Variants in OC90 observed in about 807,000 individuals in gnomAD.
OC90 encodes the protein otoconin-90.
OC90 carries 46 observed loss-of-function variants against 47.3 expected under a neutral mutation model. The observed-to-expected ratio is 0.97, with a 90% CI of 0.77 to 1.24. OC90 has a LOEUF of 1.24. Ranked by LOEUF, OC90 falls within the 50% of genes most tolerant of loss-of-function variation. The probability of loss-of-function intolerance (pLI) is 0.00; values close to 1 mark genes in which losing one functional copy is unlikely to be tolerated. For missense variants in OC90, 688 were observed against 583.9 expected (o/e 1.18, Z -1.84); for synonymous variants, 271 against 219.5 (o/e 1.23, Z -2.07).
chr8:132,036,737 C>T (rs889226976), intron 9 of OC90, among the ~76,000 whole-genome samples: 2 of 152,234 alleles, frequency 1.3e-5, no homozygotes, highest in Admixed American at 1.3e-4. Flanking sequence ...AGTCTCTAAT[C>T]GCAGCTTTGC....
chr8:132,036,832 C>G (rs7465349), intron 9 of OC90, among the ~76,000 whole-genome samples: 111,728 of 152,198 alleles, frequency 0.73, 41,225 homozygotes, highest in East Asian at 0.77. Flanking sequence ...ATTCCATAGG[C>G]GTGTATAAGC....
chr8:132,043,090 A>G (rs925457512), intron 4 of OC90, among the ~76,000 whole-genome samples: 15 of 152,250 alleles, frequency 9.9e-5, no homozygotes, highest in Non-Finnish European at 1.8e-4. Context: ...CTATTAGTTC[A>G]CTGAATGGAT....
chr8:132,051,792 G>T (rs1823214630), intron 2 of OC90, among the ~76,000 whole-genome samples: 1 of 152,176 alleles, frequency 6.6e-6, no homozygotes, highest in South Asian at 2.1e-4. Context: ...AATAGGGAAT[G>T]GTGGGGACTG....
chr8:132,054,919 A>G, intron 2 of OC90, 62 bp downstream of exon 2: 1 of 1,203,436 alleles, frequency 8.3e-7, no homozygotes. Context: ...TTGAAGGGAC[A>G]GTATTCAAAT....
chr8:132,024,486 T>C lies in OC90; in HGVS notation c.1429A>G (p.Arg477Gly), dbSNP rs1822723923. 1 of 1,539,346 alleles carries C rather than the reference T, an allele frequency of 6.5e-7. No homozygotes were observed. Among genetic ancestry groups the C allele is most frequent in the South Asian group, 1.3e-5 (1 of 79,872 alleles). ...GPLGIGPLHG[R>G] is the part of the protein sequence containing the mutation. ...TAGCCATTTTCTCTGGGCATCTATC[T>C]TCCATGAAGAGGCCCGATCCCCAAG... The change falls in exon 14 of 14, where the codon AGA becomes GGA. Residue 477 changes from arginine to glycine, a missense_variant. Physicochemically the swap from Arg to Gly is moderately radical, Grantham distance 125. Coordinates refer to ENST00000254627, the MANE Select transcript of OC90 (RefSeq NM_001080399.3).
At chr8:132,032,291 C>T (rs537943033) in intron 11 of OC90, among the ~76,000 whole-genome samples, 1 of 152,302 alleles carries the variant, frequency 6.6e-6, no homozygotes, top group South Asian at 2.1e-4. Context: ...CTCTATAAGA[C>T]TCCTTATTAA....
Position 132,024,368 on chromosome 8 carries a change from T to A in OC90, c.*113A>T. The A allele has an allele frequency of 1.1e-6, 1 of 873,908 alleles. No homozygotes were observed. The highest frequency in any genetic ancestry group is 1.7e-5 in the African/African-American group (1 of 59,226). 54.1% of individuals were successfully genotyped at this position (873,908 alleles called of 1,614,324 possible). A position where few individuals can be genotyped will look rare whatever the true frequency, so the allele number is the denominator to read the frequency against. On this transcript the variant is annotated 3_prime_UTR_variant, in exon 14 of 14. Coordinates refer to ENST00000254627, the MANE Select transcript of OC90 (RefSeq NM_001080399.3). ...ACGGCCTCTGTTCCCTCCCCGCCTC[T>A]GAGTTAAAGGAAGGGAAGAAGGCTC...
intron 10 of OC90, among the ~76,000 whole-genome samples, chr8:132,034,520 A>G (rs1586708344): frequency 6.6e-6 from 1 of 152,116 alleles, no homozygotes; most frequent in South Asian, 2.1e-4. Context: ...CCTCTTGAGG[A>G]GGAACTTTCT....
intron 1 of OC90, among the ~76,000 whole-genome samples, chr8:132,057,469 A>T (rs1445775835): frequency 2.6e-5 from 4 of 152,220 alleles, no homozygotes; most frequent in Non-Finnish European, 5.9e-5. Flanking sequence ...CTATGCTCTA[A>T]TTTATTTTTG....
At chr8:132,053,011 A>AT (rs1013047734) in intron 2 of OC90, among the ~76,000 whole-genome samples, 41 of 152,054 alleles carry the variant, frequency 2.7e-4, no homozygotes, top group Non-Finnish European at 2.5e-4. Flanking sequence ...AAAAGCTTAG[A>AT]TTTTCTGGAC....
chr8:132,029,170 C>A lies in OC90; in HGVS notation c.1041G>T (p.Leu347Phe). ...CTTGCTCTAGGCAGCAGTGATGGGA[C>A]AAGCAGCACCTAAGACCAAGGAAAA... ...EPRDDLDRCC[L>F]SHHCCLEQVR... Residue 347 changes from leucine (L) to phenylalanine (F), a missense_variant, in exon 13 of 14, where the codon TTG becomes TTT. Leu to Phe is a conservative substitution (Grantham distance 22). Coordinates refer to ENST00000254627, the MANE Select transcript of OC90 (RefSeq NM_001080399.3). 2.5e-6 allele frequency: 4 copies of A among 1,613,452 alleles called. No homozygotes were observed. The highest frequency in any genetic ancestry group is 3.4e-6 in the Non-Finnish European group (4 of 1,179,432).
At position 132,045,801 on chromosome 8, in the gene OC90, G is replaced by C; in HGVS notation, c.112+17C>G. 6.8e-7 allele frequency: 1 copy of C among 1,468,604 alleles called. No individual in the cohort carries two copies. Among genetic ancestry groups the C allele is most frequent in the Non-Finnish European group, 9.3e-7 (1 of 1,071,356 alleles). 91.0% of individuals were successfully genotyped at this position (1,468,604 alleles called of 1,614,324 possible). ...ACTTTCTACTCTGCTCCTAAGAAAA[G>C]TTCTAAGAATCCTTACTGATATTGT... On this transcript the variant is annotated intron_variant, in intron 3 of 13. Coordinates refer to ENST00000254627, the MANE Select transcript of OC90 (RefSeq NM_001080399.3).
intron 13 of OC90, among the ~76,000 whole-genome samples, chr8:132,028,620 A>AGGAG: frequency 2.2e-5 from 1 of 44,502 alleles, no homozygotes; most frequent in Non-Finnish European, 5.2e-5. Context: ...GGAAGGAGGA[A>AGGAG]GGAAGGAAGG....
At chr8:132,036,568 G>T (rs957083767) in intron 9 of OC90, 9 of 638,864 alleles carry the variant, frequency 1.4e-5, no homozygotes, top group Middle Eastern at 2.7e-4. Context: ...GTTCACCAAG[G>T]TCTCAATTCA....
At chr8:132,041,777 A>AT in intron 4 of OC90, 78 bp from the exon 5 acceptor site, 1 of 806,092 alleles carries the variant, frequency 1.2e-6, no homozygotes, top group South Asian at 1.7e-5. Context: ...TGGACTTCCT[A>AT]TACCTCAGGC....
At chr8:132,058,086 A>C (rs967696730) in intron 1 of OC90, among the ~76,000 whole-genome samples, 12 of 152,212 alleles carry the variant, frequency 7.9e-5, no homozygotes, top group Non-Finnish European at 1.6e-4. Flanking sequence ...GTGGTGAAAC[A>C]CAGCAGGTGA....
At chr8:132,044,144 C>T (rs1262548829) in intron 4 of OC90, among the ~76,000 whole-genome samples, 1 of 152,212 alleles carries the variant, frequency 6.6e-6, no homozygotes, top group Non-Finnish European at 1.5e-5. Context: ...ACTCAACTCC[C>T]TTCGGTTGAG....
chr8:132,049,496 A>G (rs10216361), intron 2 of OC90, among the ~76,000 whole-genome samples: 7,497 of 152,270 alleles, frequency 0.049, 516 homozygotes, highest in African/African-American at 0.16. Flanking sequence ...AATGCATAAC[A>G]GTTATTGTTT....
At chr8:132,056,888 A>G (rs1823286320) in intron 1 of OC90, among the ~76,000 whole-genome samples, 1 of 152,188 alleles carries the variant, frequency 6.6e-6, no homozygotes, top group African/African-American at 2.4e-5. Context: ...ACACCATGAC[A>G]GGTTGCCAGC....
Sources: gnomAD v4.1 joint callset for allele counts (sites outside exome capture counted in the v4.1 genomes callset) on GRCh38, gnomAD v4.1.1 for gene constraint, MANE v1.5 for transcripts, NCBI Gene and HGNC (gene_info 2026-07-23, HGNC 2026-07-21) for gene names.